XIRP2: variants seen among roughly 807,000 people sequenced by gnomAD.
XIRP2 encodes xin actin-binding repeat-containing protein 2.
A neutral mutation model predicts 277.0 loss-of-function variants in XIRP2; 236 were observed. That is an observed-to-expected ratio of 0.85 (90% confidence interval 0.77 to 0.95). The LOEUF (loss-of-function observed/expected upper bound fraction) is 0.95. Ranked by LOEUF, XIRP2 falls within the 40% of genes least tolerant of loss-of-function variation. The pLI is 0.00. For missense variants in XIRP2, 4,640 were observed against 4,157.5 expected (o/e 1.12, Z -3.19); for synonymous variants, 1,490 against 1,416.5 (o/e 1.05, Z -1.17).
chr2:167,095,260 C>A (rs572787831), intron 2 of XIRP2, among the ~76,000 whole-genome samples: 2 of 152,292 alleles, frequency 1.3e-5, no homozygotes, highest in Non-Finnish European at 2.9e-5. Context: ...CATCTGCAAA[C>A]AGAGATAATT....
chr2:167,057,873 G>T (rs1689076360), intron 2 of XIRP2, among the ~76,000 whole-genome samples: 2 of 152,014 alleles, frequency 1.3e-5, no homozygotes, highest in Admixed American at 6.6e-5. Flanking sequence ...ATTTCAATAG[G>T]CAGAGGGGCT....
intron 3 of XIRP2, among the ~76,000 whole-genome samples, chr2:167,209,867 C>T (rs182540114): frequency 2.5e-4 from 38 of 152,146 alleles, no homozygotes; most frequent in African/African-American, 6.7e-4. Flanking sequence ...TTCAGGCATA[C>T]GTTTTCTTCT....
chr2:166,974,946 A>G (rs1686672930), intron 2 of XIRP2, among the ~76,000 whole-genome samples: 1 of 152,132 alleles, frequency 6.6e-6, no homozygotes, highest in Admixed American at 6.5e-5. Context: ...GAAAGGATTC[A>G]CTATGCAAAT....
At chr2:166,960,451 T>C (rs1686271754) in intron 2 of XIRP2, among the ~76,000 whole-genome samples, 2 of 151,728 alleles carry the variant, frequency 1.3e-5, no homozygotes, top group Non-Finnish European at 2.9e-5. Flanking sequence ...ATCTCCTTTT[T>C]GCAACCCTCT....
chr2:167,251,037 C>T lies in XIRP2; in HGVS notation c.9645C>T (p.Ile3215=), dbSNP rs181940288. 10 of 1,613,664 alleles carry T rather than the reference C, an allele frequency of 6.2e-6. No individual in the cohort carries two copies. The Admixed American group carries it at 1.5e-4, about 24-fold the overall frequency. Residue 3215 remains isoleucine, a synonymous_variant, in exon 9 of 11, where the codon ATC becomes ATT. Coordinates refer to ENST00000409195, the MANE Select transcript of XIRP2 (RefSeq NM_152381.6). The part of the protein sequence containing the change: ...VPIVEKRSEI[I]MSPATLRRQI... ...TTGTAGAGAAGAGGTCTGAAATCAT[C>T]ATGTCTCCTGCAACACTTCGTCGTC...
rs912650003 is a variant in XIRP2 at position 167,240,064 on chromosome 2, C to G, written c.969+99C>G. On this transcript the variant is annotated intron_variant, in intron 6 of 10. Transcript: ENST00000409195. ...TTTGCATTTATTGTCACTCATGTAT[C>G]TAGTATCAATACCTATCAGTGTTTC... The G allele has an allele frequency of 4.9e-6, 5 of 1,027,984 alleles. No homozygotes were observed. In the African/African-American group the frequency reaches 6.8e-5, roughly 14 times the overall value. The allele number at this position is 1,027,984 out of a possible 1,614,324, so 63.7% of individuals were successfully genotyped here. A position where few individuals can be genotyped will look rare whatever the true frequency, so the allele number is the denominator to read the frequency against.
intron 2 of XIRP2, among the ~76,000 whole-genome samples, chr2:167,084,014 G>A (rs1455218220): frequency 2.6e-5 from 4 of 151,542 alleles, no homozygotes; most frequent in African/African-American, 4.8e-5. Context: ...TCCCTGTCTT[G>A]TGCCAGTTTT....
At chr2:166,968,300 G>A (rs1304215292) in intron 2 of XIRP2, among the ~76,000 whole-genome samples, 1 of 151,866 alleles carries the variant, frequency 6.6e-6, no homozygotes, top group Admixed American at 6.6e-5. Context: ...AATTGCTTAC[G>A]TAGAATTGGT....
chr2:167,065,061 T>C (rs1558966643), intron 2 of XIRP2, among the ~76,000 whole-genome samples: 1 of 151,838 alleles, frequency 6.6e-6, no homozygotes, highest in Non-Finnish European at 1.5e-5. Context: ...ACATTTACAG[T>C]TTTGAGGAAC....
At chr2:167,169,669 A>T (rs1655343954) in intron 3 of XIRP2, among the ~76,000 whole-genome samples, 1 of 152,150 alleles carries the variant, frequency 6.6e-6, no homozygotes, top group African/African-American at 2.4e-5. Context: ...CTCCTTTTAA[A>T]TGCTTTTAAG....
At chr2:167,170,550 A>G in intron 3 of XIRP2, among the ~76,000 whole-genome samples, 1 of 152,144 alleles carries the variant, frequency 6.6e-6, no homozygotes, top group South Asian at 2.1e-4. Context: ...ATCTTTTCAA[A>G]GAATTGATTC....
In XIRP2 at chr2:167,258,128, A is replaced by C. The variant is rs755253613; in HGVS notation, c.*311A>C. 6.2e-7 allele frequency: 1 copy of C among 1,613,238 alleles called. No homozygotes were observed. Among genetic ancestry groups the C allele is most frequent in the South Asian group, 1.1e-5 (1 of 91,068 alleles). Reference sequence around the variant, plus strand: ...TGAAGGGCAAAGGAATGATTTGAGAAAATTAGGGGAAAGGGGAAAATTAAA... The same window carrying C: ...TGAAGGGCAAAGGAATGATTTGAGACAATTAGGGGAAAGGGGAAAATTAAA... On this transcript the variant is annotated 3_prime_UTR_variant, in exon 11 of 11. Coordinates refer to ENST00000409195, the MANE Select transcript of XIRP2 (RefSeq NM_152381.6).
chr2:166,995,087 G>A (rs1200609341), intron 2 of XIRP2, among the ~76,000 whole-genome samples: 2 of 152,010 alleles, frequency 1.3e-5, no homozygotes, highest in African/African-American at 4.8e-5. Flanking sequence ...TCACCATGTT[G>A]GCCAGGGTGG....
In XIRP2 at chr2:167,244,829, C is replaced by CAGTCAAATT; in HGVS notation, c.3438_3446dup (p.Val1147_Leu1149dup). 6.2e-7 allele frequency: 1 copy of CAGTCAAATT among 1,613,630 alleles called. No homozygotes were observed. Among genetic ancestry groups the CAGTCAAATT allele is most frequent in the Non-Finnish European group, 8.5e-7 (1 of 1,179,744 alleles). ...ACCATAAAAGATGACTCTGAAACAG[C>CAGTCAAATT]AGTCAAATTGCAAACTGTAAAACAG... On this transcript the variant is annotated inframe_insertion, in exon 9 of 11. Coordinates refer to ENST00000409195, the MANE Select transcript of XIRP2 (RefSeq NM_152381.6).
At chr2:167,162,137 C>A (rs569291461) in intron 3 of XIRP2, among the ~76,000 whole-genome samples, 2 of 152,278 alleles carry the variant, frequency 1.3e-5, no homozygotes, top group South Asian at 4.1e-4. Context: ...TATCAGCATT[C>A]GGTCAAAGCC....
chr2:167,164,445 CAAAAAAAAAAAAAA>C (rs36066566), intron 3 of XIRP2, among the ~76,000 whole-genome samples: 2 of 46,636 alleles, frequency 4.3e-5, no homozygotes, highest in East Asian at 1.4e-3. Context: ...GACTCCGTCT[CAAAAAAAAAAAAAA>C]AAAAAAAAAA....
At chr2:167,220,877 A>T (rs1471902586) in intron 5 of XIRP2, among the ~76,000 whole-genome samples, 1 of 152,182 alleles carries the variant, frequency 6.6e-6, no homozygotes, top group Non-Finnish European at 1.5e-5. Context: ...AATGTAGTTT[A>T]TTATTATAAT....
chr2:167,153,766 C>G (rs1692094671), intron 3 of XIRP2, among the ~76,000 whole-genome samples: 2 of 151,152 alleles, frequency 1.3e-5, no homozygotes, highest in Admixed American at 1.3e-4. Context: ...GCATAGTATT[C>G]CATGGTGTAT....
chr2:167,120,626 TAA>T (rs1471757156), intron 2 of XIRP2, among the ~76,000 whole-genome samples: 1 of 152,172 alleles, frequency 6.6e-6, no homozygotes, highest in East Asian at 1.9e-4. Context: ...TGAAAGAAGA[TAA>T]AGACTCATCT....
Sources: allele counts gnomAD v4.1 joint callset (sites outside exome capture counted in the v4.1 genomes callset), GRCh38; gene constraint gnomAD v4.1.1; transcripts MANE v1.5; gene names NCBI Gene and HGNC (gene_info 2026-07-23, HGNC 2026-07-21).